CNTNAP2: variants seen among roughly 807,000 people sequenced by gnomAD.
CNTNAP2 encodes the protein contactin-associated protein-like 2.
A neutral mutation model predicts 155.2 loss-of-function variants in CNTNAP2; 98 were observed. That is an observed-to-expected ratio of 0.63 (90% CI 0.54 to 0.75). CNTNAP2 has a LOEUF of 0.75. Ranked by LOEUF, CNTNAP2 falls within the 30% of genes least tolerant of loss-of-function variation. The pLI is 0.00. For missense variants in CNTNAP2, 1,727 were observed against 1,688.1 expected, an observed-to-expected ratio of 1.02 and a Z score of -0.40; for synonymous variants, 651 against 631.2, an observed-to-expected ratio of 1.03 and a Z score of -0.47.
At chr7:147,342,434 T>C (rs777528200) in intron 9 of CNTNAP2, among the ~76,000 whole-genome samples, 2 of 152,200 alleles carry the variant, frequency 1.3e-5, no homozygotes, top group African/African-American at 2.4e-5. Context: ...ATTGCATCCA[T>C]GCTGCTTTTT....
intron 3 of CNTNAP2, among the ~76,000 whole-genome samples, chr7:146,868,901 G>T (rs1795254326): frequency 6.6e-6 from 1 of 152,114 alleles, no homozygotes. Context: ...TTTATCTGCT[G>T]GAAGTGCTTT....
At chr7:147,243,037 C>T (rs948140619) in intron 8 of CNTNAP2, among the ~76,000 whole-genome samples, 1 of 93,396 alleles carries the variant, frequency 1.1e-5, no homozygotes, top group East Asian at 4.0e-4. Flanking sequence ...CTTGTTCTGT[C>T]GCCAGGCTGG....
chr7:148,205,313 A>G (rs1190192723), intron 18 of CNTNAP2, among the ~76,000 whole-genome samples: 1 of 152,256 alleles, frequency 6.6e-6, no homozygotes, highest in Non-Finnish European at 1.5e-5. Context: ...TAATTCAGTA[A>G]GTCTACAAAT....
At chr7:146,411,814 T>TTTATTTA (rs370214179) in intron 1 of CNTNAP2, among the ~76,000 whole-genome samples, 108 of 117,076 alleles carry the variant, frequency 9.2e-4, no homozygotes, top group African/African-American at 5.7e-3. Flanking sequence ...TTTTATTTTA[T>TTTATTTA]TTTATTTATT....
At chr7:148,081,567 T>C (rs932119906) in intron 15 of CNTNAP2, among the ~76,000 whole-genome samples, 2 of 152,122 alleles carry the variant, frequency 1.3e-5, no homozygotes, top group Admixed American at 6.5e-5. Flanking sequence ...AGTTTTGGGA[T>C]TGGACTGGCT....
intron 17 of CNTNAP2, among the ~76,000 whole-genome samples, chr7:148,163,461 C>T (rs1196383201): frequency 3.3e-5 from 5 of 152,222 alleles, no homozygotes. Context: ...CATTGCATAA[C>T]ATTTCACATT....
intron 2 of CNTNAP2, among the ~76,000 whole-genome samples, chr7:146,822,541 C>A (rs1224517589): frequency 6.7e-6 from 1 of 150,044 alleles, no homozygotes; most frequent in Non-Finnish European, 1.5e-5. Context: ...TAATAATGCT[C>A]GTTGTTTTGT....
intron 21 of CNTNAP2, among the ~76,000 whole-genome samples, chr7:148,295,724 C>T (rs2116489460): frequency 1.3e-5 from 2 of 151,964 alleles, no homozygotes; most frequent in Admixed American, 1.3e-4. Flanking sequence ...ATCTCCTGAC[C>T]TCGTGATCCA....
At chr7:147,101,595 T>C (rs1371306435) in intron 4 of CNTNAP2, among the ~76,000 whole-genome samples, 1 of 152,100 alleles carries the variant, frequency 6.6e-6, no homozygotes, top group Non-Finnish European at 1.5e-5. Flanking sequence ...ACTTGAAGGA[T>C]GGTGAATGCA....
At chr7:148,225,689 G>C (rs1350172800) in intron 19 of CNTNAP2, among the ~76,000 whole-genome samples, 1 of 152,200 alleles carries the variant, frequency 6.6e-6, no homozygotes, top group Non-Finnish European at 1.5e-5. Context: ...AAGGACAAAA[G>C]CTAGTATAAT....
At chr7:147,469,753 C>T (rs1446542345) in intron 10 of CNTNAP2, among the ~76,000 whole-genome samples, 5 of 151,704 alleles carry the variant, frequency 3.3e-5, no homozygotes, top group African/African-American at 1.2e-4. Flanking sequence ...CTCCTGACCT[C>T]GTGATCCGCC....
intron 1 of CNTNAP2, among the ~76,000 whole-genome samples, chr7:146,296,087 T>TA (rs1800510615): frequency 6.6e-6 from 1 of 152,098 alleles, no homozygotes; most frequent in African/African-American, 2.4e-5. Context: ...CCATTGCTTG[T>TA]ATAGATAGGA....
intron 16 of CNTNAP2, among the ~76,000 whole-genome samples, chr7:148,144,712 T>C (rs1488504325): frequency 6.6e-6 from 1 of 152,192 alleles, no homozygotes; most frequent in East Asian, 1.9e-4. Context: ...CTCAAATACT[T>C]ATTTCTGGAA....
chr7:147,335,877 AAAAT>A (rs994248246), intron 9 of CNTNAP2, among the ~76,000 whole-genome samples: 30 of 58,618 alleles, frequency 5.1e-4, no homozygotes, highest in Non-Finnish European at 1.3e-3. Flanking sequence ...GATGTGAAAA[AAAAT>A]AAAATTTAGC....
At chr7:146,186,423 T>C (rs1798624819) in intron 1 of CNTNAP2, among the ~76,000 whole-genome samples, 1 of 152,224 alleles carries the variant, frequency 6.6e-6, no homozygotes, top group African/African-American at 2.4e-5. Flanking sequence ...TGATATATGC[T>C]TATTCAATTA....
chr7:148,196,248 A>G (rs1288358076), intron 18 of CNTNAP2, among the ~76,000 whole-genome samples: 1 of 152,210 alleles, frequency 6.6e-6, no homozygotes, highest in Non-Finnish European at 1.5e-5. Flanking sequence ...GACTGTCAAG[A>G]CTCAGCATGG....
chr7:146,521,573 A>G (rs1797617351), intron 1 of CNTNAP2, among the ~76,000 whole-genome samples: 1 of 152,058 alleles, frequency 6.6e-6, no homozygotes, highest in Non-Finnish European at 1.5e-5. Context: ...AACAGGCAAT[A>G]TCTGATAAAA....
intron 13 of CNTNAP2, among the ~76,000 whole-genome samples, chr7:147,691,615 T>G (rs574665584): frequency 6.6e-6 from 1 of 152,120 alleles, no homozygotes; most frequent in Non-Finnish European, 1.5e-5. Flanking sequence ...ACATTTGCGG[T>G]GTCAAGAGCA....
Position 147,438,577 on chromosome 7 carries a change from T to G in CNTNAP2, c.1670+42797T>G, listed in dbSNP as rs1919185. ...TTTTTCATGTGTCTTTGTCTGGTTT[T>G]GGAATCAGGGTAATACTGGCATGAT... On this transcript the variant is annotated intron_variant, in intron 10 of 23. Transcript: ENST00000361727. Among the ~76,000 whole-genome samples the G allele has an allele frequency of 3.7e-3, 565 of 152,150 alleles. 3 individuals carry two copies. Among genetic ancestry groups the G allele is most frequent in the Middle Eastern group, 0.014 (4 of 294 alleles).
Sources: gnomAD v4.1 joint callset for allele counts (sites outside exome capture counted in the v4.1 genomes callset) on GRCh38, gnomAD v4.1.1 for gene constraint, MANE v1.5 for transcripts, NCBI Gene and HGNC (gene_info 2026-07-23, HGNC 2026-07-21) for gene names.